ERCC5: variants seen among roughly 807,000 people sequenced by gnomAD.
ERCC5 encodes DNA excision repair protein ERCC-5.
ERCC5 carries 68 observed loss-of-function variants against 105.6 expected under a neutral mutation model. That is an observed-to-expected ratio of 0.64 (90% CI 0.53 to 0.79). The LOEUF (loss-of-function observed/expected upper bound fraction) is 0.79. Among genes scored for constraint, ERCC5 ranks in the 30% least tolerant of loss-of-function variants. ERCC5 has a pLI of 0.00. For missense variants in ERCC5, 1,373 were observed against 1,426.7 expected, an observed-to-expected ratio of 0.96 and a Z score of 0.61; for synonymous variants, 546 against 526.2, an observed-to-expected ratio of 1.04 and a Z score of -0.51.
intron 6 of ERCC5, among the ~76,000 whole-genome samples, chr13:102,858,648 T>C (rs1337739840): frequency 6.6e-6 from 1 of 152,168 alleles, no homozygotes; most frequent in Non-Finnish European, 1.5e-5. Context: ...AGGTCTTTTT[T>C]CCTGGTCTTT....
rs778220872 is a variant in ERCC5, at chr13:102,861,512, T to G, written c.678T>G (p.Ser226=). Reference sequence around the variant, plus strand: ...TTTGTTTATTTTGCCTTTAGGAGTCTGATGACTTTTCACAGTACCAACTCA... The same window carrying G: ...TTTGTTTATTTTGCCTTTAGGAGTCGGATGACTTTTCACAGTACCAACTCA... ...RTLFEAMPEE[S]DDFSQYQLKG... The change falls in exon 7 of 15, where the codon TCT becomes TCG. Residue 226 remains serine (S), a synonymous_variant. Transcript: ENST00000652225. The G allele has an allele frequency of 6.2e-7, 1 of 1,614,158 alleles. No homozygotes were observed. Among genetic ancestry groups the G allele is most frequent in the South Asian group, 1.1e-5 (1 of 91,084 alleles).
intron 4 of ERCC5, among the ~76,000 whole-genome samples, chr13:102,854,972 C>G (rs1194818084): frequency 1.3e-5 from 2 of 152,210 alleles, no homozygotes; most frequent in African/African-American, 4.8e-5. Context: ...TGTCCCCTGT[C>G]CTTCCCTCCA....
At chr13:102,866,570 C>G (rs568064517) in intron 10 of ERCC5, 62 bp from the exon 11 acceptor site, 1 of 1,604,662 alleles carries the variant, frequency 6.2e-7, no homozygotes. Flanking sequence ...CACTGCTCCC[C>G]CTGTGCTCAG....
chr13:102,868,901 T>G (rs926293154), intron 12 of ERCC5, among the ~76,000 whole-genome samples: 1 of 152,198 alleles, frequency 6.6e-6, no homozygotes, highest in African/African-American at 2.4e-5. Context: ...GAAAGTAGTT[T>G]TTTCTTTGTC....
chr13:102,860,408 C>T (rs1009284058), intron 6 of ERCC5, among the ~76,000 whole-genome samples: 1 of 152,114 alleles, frequency 6.6e-6, no homozygotes, highest in African/African-American at 2.4e-5. Flanking sequence ...GATAAGTGCT[C>T]AGTTAGGATG....
At chr13:102,848,180 T>C (rs1180319914) in intron 1 of ERCC5, among the ~76,000 whole-genome samples, 3 of 152,172 alleles carry the variant, frequency 2.0e-5, no homozygotes, top group African/African-American at 4.8e-5. Context: ...CAACCTCATA[T>C]ATTTATAATA....
intron 10 of ERCC5, 40 bp from the exon 11 acceptor site, chr13:102,866,592 G>C (rs761757319): frequency 6.2e-7 from 1 of 1,610,902 alleles, no homozygotes; most frequent in Non-Finnish European, 8.5e-7. Flanking sequence ...GCCTGGCGGT[G>C]CCCTTCCCTG....
chr13:102,872,528 C>T (rs1883068831), intron 13 of ERCC5, 130 bp downstream of exon 13: 6 of 1,084,964 alleles, frequency 5.5e-6, no homozygotes, highest in Non-Finnish European at 8.0e-6. Context: ...ATATCCCGCT[C>T]TCCTTTTCAC....
intron 5 of ERCC5, 112 bp downstream of exon 5, chr13:102,856,224 A>T: frequency 1.7e-6 from 2 of 1,144,472 alleles, no homozygotes; most frequent in Non-Finnish European, 2.6e-6. Context: ...TAAAAAGTAA[A>T]GACAGATGGC....
At chr13:102,847,150 T>A (rs1394499326) in intron 1 of ERCC5, among the ~76,000 whole-genome samples, 2 of 152,242 alleles carry the variant, frequency 1.3e-5, no homozygotes, top group Non-Finnish European at 1.5e-5. Flanking sequence ...ACAGGTGTTT[T>A]ACCCATTTTT....
chr13:102,856,190 A>C (rs1882411734), intron 5 of ERCC5, 78 bp downstream of exon 5: 1 of 1,452,686 alleles, frequency 6.9e-7, no homozygotes, highest in Non-Finnish European at 9.6e-7. Flanking sequence ...TTAATGAGGT[A>C]TATCAAACTG....
chr13:102,855,867 T>C (rs1882396214), intron 4 of ERCC5, among the ~76,000 whole-genome samples, 185 bp from the exon 5 acceptor site: 1 of 152,204 alleles, frequency 6.6e-6, no homozygotes, highest in African/African-American at 2.4e-5. Flanking sequence ...GTGGAAGTTA[T>C]TAGATCCCAC....
chr13:102,849,108 G>C, intron 1 of ERCC5: 1 of 518,430 alleles, frequency 1.9e-6, no homozygotes, highest in Non-Finnish European at 3.9e-6. Context: ...GAGCTTCATG[G>C]CTTTTCCAGA....
intron 1 of ERCC5, among the ~76,000 whole-genome samples, chr13:102,851,120 T>A (rs1020308092): frequency 6.6e-6 from 1 of 152,238 alleles, no homozygotes; most frequent in South Asian, 2.1e-4. Flanking sequence ...GTATGTGAAC[T>A]AGTTTTTTAT....
intron 12 of ERCC5, among the ~76,000 whole-genome samples, chr13:102,871,607 A>G (rs1883035740): frequency 2.6e-5 from 1 of 38,844 alleles, no homozygotes; most frequent in Admixed American, 3.9e-4. Flanking sequence ...TTTGTTTTAC[A>G]TACATATGTA....
Position 102,870,962 on chromosome 13 carries a change from C to G in ERCC5, c.2679-1236C>G, listed in dbSNP as rs4150355. ...AATTGTGTAAATGTTTCTGGTCAGTCGTCACTGCATTACAAACTACCTTCA... is the reference window on the plus strand; with the variant it reads ...AATTGTGTAAATGTTTCTGGTCAGTGGTCACTGCATTACAAACTACCTTCA... On this transcript the variant is annotated intron_variant, in intron 12 of 14. Transcript: ENST00000652225. Among the ~76,000 whole-genome samples the G allele has an allele frequency of 2.6e-5, 4 of 152,122 alleles. No homozygotes were observed. The East Asian group carries it at 7.7e-4, about 29-fold the overall frequency.
chr13:102,860,608 C>A (rs1882583467), intron 6 of ERCC5, among the ~76,000 whole-genome samples: 1 of 152,150 alleles, frequency 6.6e-6, no homozygotes, highest in African/African-American at 2.4e-5. Flanking sequence ...GATCCCAGAT[C>A]TACCACTTAT....
intron 9 of ERCC5, 104 bp downstream of exon 9, chr13:102,866,015 G>A (rs1225040016): frequency 6.2e-7 from 1 of 1,600,490 alleles, no homozygotes; most frequent in Non-Finnish European, 8.5e-7. Flanking sequence ...GCTATTTGCA[G>A]TACATCTTGT....
intron 4 of ERCC5, among the ~76,000 whole-genome samples, chr13:102,855,795 G>T (rs531348616): frequency 6.6e-6 from 1 of 152,268 alleles, no homozygotes; most frequent in East Asian, 1.9e-4. Context: ...AAGCTTTTGT[G>T]ACTCCTAAAT....
Sources: gnomAD v4.1 joint callset for allele counts (sites outside exome capture counted in the v4.1 genomes callset) on GRCh38, gnomAD v4.1.1 for gene constraint, MANE v1.5 for transcripts, NCBI Gene and HGNC (gene_info 2026-07-23, HGNC 2026-07-21) for gene names.